The following SIMC1 variants were observed in gnomAD, a reference collection of about 807,000 sequenced individuals.
The protein encoded by SIMC1 is SUMO interacting motifs containing 1.
A neutral mutation model predicts 82.3 loss-of-function variants in SIMC1; 55 were observed. That is an observed-to-expected ratio of 0.67 (90% confidence interval 0.54 to 0.84). SIMC1 has a LOEUF of 0.84. Among genes scored for constraint, SIMC1 ranks in the 40% least tolerant of loss-of-function variants. SIMC1 has a pLI of 0.00. For synonymous variants in SIMC1, 353 were observed against 426.3 expected (o/e 0.83, Z 2.12); for missense variants, 915 against 1,107.2 (o/e 0.83, Z 2.46).
intron 4 of SIMC1, among the ~76,000 whole-genome samples, chr5:176,309,738 C>T (rs1018778474): frequency 6.6e-6 from 1 of 152,100 alleles, no homozygotes; most frequent in Non-Finnish European, 1.5e-5. Flanking sequence ...GGGTTCCAGA[C>T]CAGCCTGGCA....
At chr5:176,277,386 C>A (rs71599477) in intron 1 of SIMC1, among the ~76,000 whole-genome samples, 17,635 of 151,610 alleles carry the variant, frequency 0.12, 1,108 homozygotes, top group Admixed American at 0.15. Flanking sequence ...AATTTTCTCC[C>A]ATTTTGTAGG....
At chr5:176,282,482 G>A (rs1295467514) in intron 1 of SIMC1, among the ~76,000 whole-genome samples, 10 of 152,150 alleles carry the variant, frequency 6.6e-5, no homozygotes, top group South Asian at 2.1e-4. Flanking sequence ...AGATGAACCC[G>A]GTACCTCAGA....
At chr5:176,277,268 G>A (rs112753627) in intron 1 of SIMC1, among the ~76,000 whole-genome samples, 2 of 151,578 alleles carry the variant, frequency 1.3e-5, no homozygotes, top group Non-Finnish European at 2.9e-5. Flanking sequence ...GTCTGTTCAT[G>A]TCCTTCGCCC....
intron 1 of SIMC1, among the ~76,000 whole-genome samples, chr5:176,251,586 CT>C (rs1177468716): frequency 2.2e-3 from 302 of 139,746 alleles, no homozygotes; most frequent in East Asian, 5.4e-3. Context: ...ATTTTCTTTT[CT>C]TTTTTTTTTT....
chr5:176,331,419 A>C (rs1262815944), intron 7 of SIMC1, among the ~76,000 whole-genome samples: 1 of 151,074 alleles, frequency 6.6e-6, no homozygotes, highest in Non-Finnish European at 1.5e-5. Flanking sequence ...AATGTAAAGC[A>C]ATTCTCCTGC....
chr5:176,276,062 T>C lies in SIMC1; in HGVS notation c.130-13592T>C, dbSNP rs574015234. On this transcript the variant is annotated intron_variant, in intron 1 of 9. Coordinates refer to ENST00000429602, the MANE Select transcript of SIMC1 (RefSeq NM_001308195.2). ...AGAAGGAATGGTACCAGTTCCTCCT[T>C]GTACCTCTGGTAGAATTCGGCTGTG... Among the ~76,000 whole-genome samples, 70 of 151,812 alleles carry C rather than the reference T, an allele frequency of 4.6e-4. 4 individuals are homozygous for C. Among genetic ancestry groups the C allele is most frequent in the South Asian group, 3.1e-3 (15 of 4,824 alleles).
chr5:176,309,927 C>T (rs1287100547), intron 4 of SIMC1, among the ~76,000 whole-genome samples: 3 of 151,908 alleles, frequency 2.0e-5, no homozygotes, highest in Non-Finnish European at 4.4e-5. Context: ...AGAGTGAGGC[C>T]TTGTCTCAAA....
chr5:176,295,183 A>G lies in SIMC1; in HGVS notation c.1585A>G (p.Ile529Val). The change falls in exon 3 of 10, where the codon ATC (isoleucine) becomes GTC (valine). Residue 529 changes from isoleucine to valine, a missense_variant. Transcript: ENST00000429602. ...ACCAAGAGAAATCGTGGCTCACATC[A>G]TCCAGAAAATCTTGCTCAGTGGCTC... ...YPPREIVAHI[I>V]QKILLSGSET... The G allele has an allele frequency of 6.2e-7, 1 of 1,613,402 alleles. No individual in the cohort carries two copies. The highest frequency in any genetic ancestry group is 1.3e-5 in the African/African-American group (1 of 74,910).
At position 176,345,566 on chromosome 5, in the gene SIMC1, A is replaced by C; in HGVS notation, c.*121A>C. On this transcript the variant is annotated 3_prime_UTR_variant, in exon 10 of 10. Coordinates refer to ENST00000429602, the MANE Select transcript of SIMC1 (RefSeq NM_001308195.2). ...AGGACCAAACCTGCATTATTTAATC[A>C]GTAGGTTGTAATTTCTAACTCTAGT... 1 of 1,122,896 alleles carries C rather than the reference A, an allele frequency of 8.9e-7. No individual in the cohort carries two copies. The highest frequency in any genetic ancestry group is 1.2e-6 in the Non-Finnish European group (1 of 818,146). The allele number at this position is 1,122,896 out of a possible 1,614,324, so 69.6% of individuals were successfully genotyped here.
At chr5:176,296,660 C>A (rs1763828672) in intron 4 of SIMC1, 1 of 239,532 alleles carries the variant, frequency 4.2e-6, no homozygotes, top group East Asian at 9.4e-5. Flanking sequence ...CAGAGCAAGA[C>A]CCTGTCTTAA....
At chr5:176,280,812 G>A (rs371523486) in intron 1 of SIMC1, among the ~76,000 whole-genome samples, 219 of 152,270 alleles carry the variant, frequency 1.4e-3, no homozygotes, top group African/African-American at 4.9e-3. Context: ...TGTTAGTCTG[G>A]TGGGCTTCCC....
chr5:176,288,490 G>T (rs1421816122), intron 1 of SIMC1, among the ~76,000 whole-genome samples: 1 of 151,988 alleles, frequency 6.6e-6, no homozygotes, highest in Admixed American at 6.6e-5. Flanking sequence ...CATTTTAGCA[G>T]TTGGCTATGG....
intron 1 of SIMC1, among the ~76,000 whole-genome samples, chr5:176,271,501 A>G (rs999757853): frequency 5.3e-5 from 8 of 152,202 alleles, no homozygotes; most frequent in African/African-American, 2.4e-5. Context: ...CAAACTTTGC[A>G]TGTCCTCATT....
Position 176,250,718 on chromosome 5 carries a change from G to C in SIMC1, c.129+12081G>C, listed in dbSNP as rs577568334. On this transcript the variant is annotated intron_variant, in intron 1 of 9. Coordinates refer to ENST00000429602, the MANE Select transcript of SIMC1 (RefSeq NM_001308195.2). Reference sequence around the variant, plus strand: ...TTAATCCCTTTACCATTATGTAATGGCCTTCTTTGTCTATTTTGATCTTTG... The same window carrying C: ...TTAATCCCTTTACCATTATGTAATGCCCTTCTTTGTCTATTTTGATCTTTG... Among the ~76,000 whole-genome samples the C allele has an allele frequency of 3.4e-3, 511 of 152,176 alleles. 3 individuals carry two copies. The highest frequency in any genetic ancestry group is 8.5e-3 in the South Asian group (41 of 4,818).
chr5:176,344,964 T>C lies in SIMC1; in HGVS notation c.2414-219T>C, dbSNP rs898445985. On this transcript the variant is annotated intron_variant, in intron 9 of 9. Coordinates refer to ENST00000429602, the MANE Select transcript of SIMC1 (RefSeq NM_001308195.2). ...AAAAATGACACAGATCCAAACCATATCACTTTTTTTAATGTAAAACTTCTT... is the reference window on the plus strand; with the variant it reads ...AAAAATGACACAGATCCAAACCATACCACTTTTTTTAATGTAAAACTTCTT... Among the ~76,000 whole-genome samples the C allele has an allele frequency of 3.3e-5, 5 of 152,188 alleles. No individual in the cohort carries two copies. The East Asian group carries it at 5.8e-4, about 18-fold the overall frequency.
chr5:176,308,712 C>T (rs1181820476), intron 4 of SIMC1: 3 of 1,465,578 alleles, frequency 2.0e-6, no homozygotes, highest in African/African-American at 1.4e-5. Context: ...AATCCCAATC[C>T]ATATTGTACC....
At chr5:176,324,564 C>G in intron 6 of SIMC1, 65 bp from the exon 7 acceptor site, 1 of 1,551,832 alleles carries the variant, frequency 6.4e-7, no homozygotes, top group African/African-American at 1.4e-5. Flanking sequence ...GGGACCTCCT[C>G]CCAGCCAGAG....
intron 1 of SIMC1, among the ~76,000 whole-genome samples, chr5:176,251,765 T>G (rs1261548768): frequency 6.6e-6 from 1 of 150,622 alleles, no homozygotes; most frequent in African/African-American, 2.5e-5. Flanking sequence ...TACTTGAGAT[T>G]AGGGAGTGGT....
At chr5:176,251,058 G>GT (rs200416244) in intron 1 of SIMC1, among the ~76,000 whole-genome samples, 3,197 of 152,280 alleles carry the variant, frequency 0.021, 49 homozygotes, top group Middle Eastern at 0.068. Flanking sequence ...AGTGTTGATG[G>GT]TTTTTACAAT....
Sources: gnomAD v4.1 joint callset for allele counts (sites outside exome capture counted in the v4.1 genomes callset) on GRCh38, gnomAD v4.1.1 for gene constraint, MANE v1.5 for transcripts, NCBI Gene and HGNC (gene_info 2026-07-23, HGNC 2026-07-21) for gene names.